DMD: variants seen among roughly 807,000 people sequenced by gnomAD.
The protein encoded by DMD is mutant dystrophin.
Under a neutral mutation model 330.1 loss-of-function variants are expected in DMD, and 63 were observed. The observed-to-expected ratio is 0.19, with a 90% CI of 0.16 to 0.24. DMD has a LOEUF of 0.24. Ranked by LOEUF, DMD falls within the 10% of genes least tolerant of loss-of-function variation. The probability of loss-of-function intolerance (pLI) is 1.00; values close to 1 mark genes in which losing one functional copy is unlikely to be tolerated. For missense variants in DMD, 3,344 were observed against 2,684.1 expected, an observed-to-expected ratio of 1.25 and a Z score of -5.43; for synonymous variants, 1,223 against 959.8, an observed-to-expected ratio of 1.27 and a Z score of -5.07.
In DMD at chrX:33,009,213, CAT is replaced by C. The variant is rs745352169; in HGVS notation, c.93+10924_93+10925del. On this transcript the variant is annotated intron_variant, in intron 2 of 78. Coordinates refer to ENST00000357033, the MANE Select transcript of DMD (RefSeq NM_004006.3). ...ATATGTATATATGTGTATATATACACATATGTGCATATATGTGTATATATACA... is the reference window on the plus strand; with the variant it reads ...ATATGTATATATGTGTATATATACACATGTGCATATATGTGTATATATACA... Among the ~76,000 whole-genome samples, 11 of 26,741 alleles carry C rather than the reference CAT, an allele frequency of 4.1e-4. 2 individuals are homozygous for C. The highest frequency in any genetic ancestry group is 1.1e-3 in the African/African-American group (9 of 8,038). 23.2% of individuals were successfully genotyped at this position (26,741 alleles called of 115,157 possible).
chrX:31,441,721 C>T (rs1197636396), intron 60 of DMD, among the ~76,000 whole-genome samples: 1 of 112,373 alleles, frequency 8.9e-6, no homozygotes, highest in East Asian at 2.8e-4. Flanking sequence ...GTTAGCCTCA[C>T]ATACATTGTT....
intron 74 of DMD, 55 bp from the exon 75 acceptor site, chrX:31,147,573 GA>G (rs2036880623): frequency 2.0e-6 from 2 of 981,919 alleles, no homozygotes; most frequent in Non-Finnish European, 2.8e-6. Context: ...AGAAAAAGAA[GA>G]AAAAAAGTAA....
At chrX:31,386,429 CTG>C (rs765022298) in intron 60 of DMD, among the ~76,000 whole-genome samples, 1 of 111,602 alleles carries the variant, frequency 9.0e-6, no homozygotes, top group Non-Finnish European at 1.9e-5. Flanking sequence ...TTTCCTATGT[CTG>C]TGTGAGGCTG....
chrX:33,298,930 A>G (rs2148936386), intron 1 of DMD, among the ~76,000 whole-genome samples: 1 of 111,807 alleles, frequency 8.9e-6, no homozygotes, highest in East Asian at 2.8e-4. Flanking sequence ...GATTCCACGT[A>G]CCAGAAAGGG....
At chrX:32,827,064 C>CA (rs1557061582) in intron 4 of DMD, among the ~76,000 whole-genome samples, 1,905 of 66,129 alleles carry the variant, frequency 0.029, 59 homozygotes, top group Non-Finnish European at 0.037. Flanking sequence ...GCACCCCCCC[C>CA]CCACACACAC....
intron 7 of DMD, among the ~76,000 whole-genome samples, chrX:32,731,885 A>G (rs1234303889): frequency 1.8e-5 from 2 of 112,413 alleles, no homozygotes; most frequent in Non-Finnish European, 1.9e-5. Flanking sequence ...ACAGTTCCTC[A>G]CTAGCAACGG....
intron 1 of DMD, among the ~76,000 whole-genome samples, chrX:33,280,741 G>T (rs951503098): frequency 4.5e-5 from 5 of 111,630 alleles, no homozygotes; most frequent in Non-Finnish European, 9.4e-5. Context: ...AATAAATTGG[G>T]CATATTTGTG....
intron 42 of DMD, among the ~76,000 whole-genome samples, chrX:32,298,826 G>A (rs1294286025): frequency 3.8e-5 from 4 of 105,067 alleles, no homozygotes; most frequent in Non-Finnish European, 2.0e-5. Context: ...CCCAGCAGGA[G>A]GAGGGAGTTA....
intron 25 of DMD, among the ~76,000 whole-genome samples, chrX:32,459,985 T>C (rs2098377421): frequency 9.0e-6 from 1 of 110,836 alleles, no homozygotes; most frequent in African/African-American, 3.3e-5. Flanking sequence ...AACTCAGATA[T>C]CATAAAAAGA....
chrX:32,704,068 C>T (rs191747053), intron 7 of DMD, among the ~76,000 whole-genome samples: 1 of 111,535 alleles, frequency 9.0e-6, no homozygotes, highest in East Asian at 2.8e-4. Flanking sequence ...ACAATAACAC[C>T]GTTTCTGATG....
At chrX:32,930,683 C>A (rs1182396899) in intron 2 of DMD, among the ~76,000 whole-genome samples, 2 of 110,263 alleles carry the variant, frequency 1.8e-5, no homozygotes, top group East Asian at 5.7e-4. Context: ...GTTGGTCCCT[C>A]CCTCCTGGAA....
At chrX:32,704,842 C>A (rs761301612) in intron 7 of DMD, among the ~76,000 whole-genome samples, 1 of 112,154 alleles carries the variant, frequency 8.9e-6, no homozygotes, top group Admixed American at 9.5e-5. Flanking sequence ...TTGGCACAAC[C>A]AAAACCTATG....
At chrX:32,770,400 T>C (rs2073477639) in intron 7 of DMD, among the ~76,000 whole-genome samples, 1 of 111,835 alleles carries the variant, frequency 8.9e-6, no homozygotes, top group African/African-American at 3.2e-5. Context: ...ACATTTACAA[T>C]GATTTAATAC....
At chrX:33,029,272 T>C (rs1346854766) in intron 1 of DMD, among the ~76,000 whole-genome samples, 1 of 112,087 alleles carries the variant, frequency 8.9e-6, no homozygotes, top group Non-Finnish European at 1.9e-5. Flanking sequence ...ACTGAAATAT[T>C]GCTACTTATT....
At chrX:33,314,263 T>C (rs192495352) in intron 1 of DMD, among the ~76,000 whole-genome samples, 189 of 110,613 alleles carry the variant, frequency 1.7e-3, no homozygotes, top group African/African-American at 5.9e-3. Context: ...TTTTATCTTT[T>C]ATTTTTTTGA....
intron 9 of DMD, among the ~76,000 whole-genome samples, chrX:32,687,305 C>A (rs2062953952): frequency 8.9e-6 from 1 of 111,939 alleles, no homozygotes; most frequent in Admixed American, 9.5e-5. Flanking sequence ...TCAGAAGAAT[C>A]TTGTAAGTTC....
chrX:31,214,947 T>C (rs1174693398), intron 64 of DMD, among the ~76,000 whole-genome samples: 1 of 78,187 alleles, frequency 1.3e-5, no homozygotes, highest in Non-Finnish European at 2.5e-5. Context: ...CTTTTTTTTT[T>C]TTTTTTTTTT....
intron 60 of DMD, among the ~76,000 whole-genome samples, chrX:31,388,250 G>A (rs187866620): frequency 1.1e-4 from 12 of 109,610 alleles, no homozygotes; most frequent in South Asian, 4.0e-4. Flanking sequence ...TGATCCACCC[G>A]CCTTGGCCTC....
intron 9 of DMD, among the ~76,000 whole-genome samples, chrX:32,676,597 G>A (rs774419534): frequency 9.0e-6 from 1 of 111,050 alleles, no homozygotes; most frequent in East Asian, 2.8e-4. Context: ...GATTGTGGAC[G>A]CTATTATGCA....
Sources: allele counts gnomAD v4.1 joint callset (sites outside exome capture counted in the v4.1 genomes callset), GRCh38; gene constraint gnomAD v4.1.1; transcripts MANE v1.5; gene names NCBI Gene and HGNC (gene_info 2026-07-23, HGNC 2026-07-21).